Variants in RABGAP1L observed in about 807,000 individuals in gnomAD.
The protein encoded by RABGAP1L is RAB GTPase activating protein 1 like.
RABGAP1L carries 63 observed loss-of-function variants against 137.7 expected under a neutral mutation model. That is an observed-to-expected ratio of 0.46 (90% CI 0.37 to 0.56). The LOEUF (loss-of-function observed/expected upper bound fraction) is 0.56. Ranked by LOEUF, RABGAP1L falls within the 20% of genes least tolerant of loss-of-function variation. The pLI, the probability that RABGAP1L is intolerant of heterozygous loss-of-function variation, is 0.00. For synonymous variants in RABGAP1L, 431 were observed against 433.7 expected (o/e 0.99, Z 0.08); for missense variants, 1,095 against 1,244.0 (o/e 0.88, Z 1.80).
At chr1:174,856,689 G>A (rs1443746091) in intron 19 of RABGAP1L, among the ~76,000 whole-genome samples, 1 of 152,120 alleles carries the variant, frequency 6.6e-6, no homozygotes, top group Non-Finnish European at 1.5e-5. Context: ...CACTTTGGGA[G>A]GCTGAGGTGG....
At chr1:174,574,681 G>T (rs1375912739) in intron 13 of RABGAP1L, among the ~76,000 whole-genome samples, 1 of 152,182 alleles carries the variant, frequency 6.6e-6, no homozygotes, top group South Asian at 2.1e-4. Flanking sequence ...TATTATGCAC[G>T]TTGATGTGGC....
chr1:174,799,859 A>C, intron 18 of RABGAP1L: 1 of 988,136 alleles, frequency 1.0e-6, no homozygotes, highest in Admixed American at 6.1e-5. Context: ...GCAGCTTCAC[A>C]ACTGCCCTGG....
chr1:174,948,246 T>TTATTTAAAAATAACTAAAA (rs1667177077), intron 19 of RABGAP1L, among the ~76,000 whole-genome samples: 5 of 151,980 alleles, frequency 3.3e-5, no homozygotes, highest in Non-Finnish European at 1.5e-5. Context: ...TTGGGCTGGG[T>TTATTTAAAAATAACTAAAA]GCAGTGGCTC....
At chr1:174,699,282 T>G (rs1026239865) in intron 15 of RABGAP1L, among the ~76,000 whole-genome samples, 2 of 152,020 alleles carry the variant, frequency 1.3e-5, no homozygotes, top group African/African-American at 4.8e-5. Context: ...TAATCATGAG[T>G]GTATTGCCTG....
intron 10 of RABGAP1L, among the ~76,000 whole-genome samples, chr1:174,286,389 T>C (rs1242349156): frequency 6.6e-6 from 1 of 152,196 alleles, no homozygotes; most frequent in Non-Finnish European, 1.5e-5. Flanking sequence ...ATCTGTTGTA[T>C]TTCTGTGGTA....
At chr1:174,989,667 A>G (rs533127606) in intron 25 of RABGAP1L, among the ~76,000 whole-genome samples, 182 bp from the exon 26 acceptor site, 27 of 152,296 alleles carry the variant, frequency 1.8e-4, no homozygotes, top group Admixed American at 3.9e-4. Context: ...TAGATTTTTG[A>G]TAAGTCTTTT....
chr1:174,480,824 A>G (rs1021906352), intron 13 of RABGAP1L, among the ~76,000 whole-genome samples: 6 of 152,226 alleles, frequency 3.9e-5, no homozygotes, highest in Non-Finnish European at 7.3e-5. Flanking sequence ...ACGGGTGAGA[A>G]TACTGGACCA....
At chr1:174,557,700 A>C (rs1446441547) in intron 13 of RABGAP1L, among the ~76,000 whole-genome samples, 1 of 152,224 alleles carries the variant, frequency 6.6e-6, no homozygotes, top group Non-Finnish European at 1.5e-5. Flanking sequence ...GTTGCCCAAG[A>C]ATTCTAAGCC....
intron 1 of RABGAP1L, among the ~76,000 whole-genome samples, chr1:174,209,730 G>A (rs116581081): frequency 0.017 from 2,589 of 152,308 alleles, 65 homozygotes; most frequent in African/African-American, 0.06. Flanking sequence ...TGATTATACA[G>A]CATCAAGACC....
intron 20 of RABGAP1L, among the ~76,000 whole-genome samples, chr1:174,968,286 G>A (rs1381923346): frequency 3.3e-5 from 5 of 152,262 alleles, no homozygotes; most frequent in Admixed American, 2.6e-4. Context: ...ACTGTTAGAC[G>A]TGTAAATCTG....
intron 13 of RABGAP1L, among the ~76,000 whole-genome samples, chr1:174,632,226 C>G (rs556521354): frequency 7.1e-6 from 1 of 141,752 alleles, no homozygotes; most frequent in African/African-American, 2.8e-5. Flanking sequence ...TTGGCCCCCA[C>G]TCTCTTCTGG....
At chr1:174,575,353 T>C (rs952250272) in intron 13 of RABGAP1L, among the ~76,000 whole-genome samples, 6 of 152,226 alleles carry the variant, frequency 3.9e-5, no homozygotes, top group African/African-American at 1.4e-4. Context: ...TTGACCCTTC[T>C]AATTATTTAG....
intron 11 of RABGAP1L, among the ~76,000 whole-genome samples, chr1:174,344,245 G>A (rs1462926692): frequency 1.3e-5 from 2 of 152,148 alleles, no homozygotes; most frequent in African/African-American, 4.8e-5. Context: ...AATGCTCTCT[G>A]TAATGATAAT....
chr1:174,438,746 A>ATATATATATATATATG (rs1653763338), intron 13 of RABGAP1L, among the ~76,000 whole-genome samples: 2 of 98,016 alleles, frequency 2.0e-5, no homozygotes, highest in African/African-American at 1.4e-4. Context: ...GTGTGTGTGT[A>ATATATATATATATATG]TATATATATA....
chr1:174,704,520 G>GT (rs1679907422), intron 17 of RABGAP1L, among the ~76,000 whole-genome samples: 1 of 152,184 alleles, frequency 6.6e-6, no homozygotes, highest in Middle Eastern at 3.2e-3. Flanking sequence ...GCATGTAAGA[G>GT]TTTTAATCAT....
At position 174,296,874 on chromosome 1, in the gene RABGAP1L, G is replaced by A. The variant is rs1208456144; in HGVS notation, c.1324-8112G>A. On this transcript the variant is annotated intron_variant, in intron 10 of 25. Transcript: ENST00000681986. ...AAATGTCATGCATCTTTATCCATAA[G>A]GTGTTTAGTGACAGGATTCTTTGAT... 3.3e-5 allele frequency among the ~76,000 whole-genome samples: 5 copies of A among 152,084 alleles called. No individual in the cohort carries two copies. In the East Asian group the frequency reaches 9.6e-4, roughly 29 times the overall value.
intron 13 of RABGAP1L, among the ~76,000 whole-genome samples, chr1:174,493,241 A>G (rs1042822002): frequency 1.3e-5 from 2 of 150,250 alleles, no homozygotes; most frequent in African/African-American, 4.9e-5. Flanking sequence ...ACATGCCTGT[A>G]GTCCTAGCTA....
chr1:174,843,432 G>T (rs1693661528), intron 19 of RABGAP1L, among the ~76,000 whole-genome samples: 1 of 149,174 alleles, frequency 6.7e-6, no homozygotes, highest in Non-Finnish European at 1.5e-5. Flanking sequence ...CTGTGTCCAT[G>T]TGATCTCATT....
At chr1:174,438,537 G>T (rs1443075310) in intron 13 of RABGAP1L, among the ~76,000 whole-genome samples, 1 of 151,564 alleles carries the variant, frequency 6.6e-6, no homozygotes, top group Non-Finnish European at 1.5e-5. Context: ...GGTCAACATA[G>T]TGAAACCCCA....
Sources: allele counts gnomAD v4.1 joint callset (sites outside exome capture counted in the v4.1 genomes callset), GRCh38; gene constraint gnomAD v4.1.1; transcripts MANE v1.5; gene names NCBI Gene and HGNC (gene_info 2026-07-23, HGNC 2026-07-21).